NRXN3: variants seen among roughly 807,000 people sequenced by gnomAD.
The protein encoded by NRXN3 is neurexin 3.
NRXN3 carries 32 observed loss-of-function variants against 137.6 expected under a neutral mutation model. That is an observed-to-expected ratio of 0.23 (90% CI 0.18 to 0.31). The LOEUF (loss-of-function observed/expected upper bound fraction) is 0.31, where lower values mean the gene tolerates loss of function less well. Among genes scored for constraint, NRXN3 ranks in the 10% least tolerant of loss-of-function variants. The pLI is 1.00. For synonymous variants in NRXN3, 798 were observed against 784.5 expected, an observed-to-expected ratio of 1.02 and a Z score of -0.29; for missense variants, 1,574 against 2,062.5, an observed-to-expected ratio of 0.76 and a Z score of 4.59.
At position 79,492,579 on chromosome 14, in the gene NRXN3, C is replaced by T. The variant is rs370653201; in HGVS notation, c.3444+25177C>T. Among the ~76,000 whole-genome samples, 291 of 152,172 alleles carry T rather than the reference C, an allele frequency of 1.9e-3. 10 individuals are homozygous for T. The South Asian group carries it at 0.056, about 30-fold the overall frequency. ...TGTACCTTTAGTAAAGATGGGTTTT[C>T]GCCGTGTTGGCCAGGATGGTCTCGA... On this transcript the variant is annotated intron_variant, in intron 16 of 20. Transcript: ENST00000335750.
At chr14:79,185,610 C>T (rs1046912205) in intron 15 of NRXN3, among the ~76,000 whole-genome samples, 13 of 152,000 alleles carry the variant, frequency 8.6e-5, no homozygotes, top group African/African-American at 2.7e-4. Flanking sequence ...GGACTACAGG[C>T]GCCCGCCACC....
intron 8 of NRXN3, among the ~76,000 whole-genome samples, chr14:78,787,867 G>A (rs1463301858): frequency 2.6e-5 from 4 of 152,156 alleles, no homozygotes; most frequent in African/African-American, 9.7e-5. Flanking sequence ...GATTGTGAAA[G>A]TAGATCCATT....
At chr14:78,812,135 A>T (rs972908425) in intron 10 of NRXN3, among the ~76,000 whole-genome samples, 3 of 152,178 alleles carry the variant, frequency 2.0e-5, no homozygotes, top group African/African-American at 7.2e-5. Flanking sequence ...CACATTTTAG[A>T]ACATTTCCAT....
chr14:78,882,540 G>A (rs987121059), intron 10 of NRXN3, among the ~76,000 whole-genome samples: 8 of 151,878 alleles, frequency 5.3e-5, no homozygotes, highest in Middle Eastern at 3.4e-3. Context: ...TTTAATGACT[G>A]CCCTATTGGA....
chr14:78,512,961 AG>A (rs1408266833), intron 4 of NRXN3, among the ~76,000 whole-genome samples: 1 of 152,156 alleles, frequency 6.6e-6, no homozygotes, highest in Non-Finnish European at 1.5e-5. Context: ...CCAGGCTTAG[AG>A]AAGTAAGGGC....
chr14:78,387,731 A>G (rs2090178755), intron 4 of NRXN3, among the ~76,000 whole-genome samples: 1 of 152,210 alleles, frequency 6.6e-6, no homozygotes, highest in South Asian at 2.1e-4. Flanking sequence ...CTCTGATCCA[A>G]TAAGGACTTC....
chr14:79,663,019 G>T (rs1603384796), intron 16 of NRXN3, among the ~76,000 whole-genome samples: 1 of 152,036 alleles, frequency 6.6e-6, no homozygotes, highest in African/African-American at 2.4e-5. Context: ...TTTCCCTTCT[G>T]ACAAGTCTTT....
intron 15 of NRXN3, among the ~76,000 whole-genome samples, chr14:79,201,889 G>T (rs2066068951): frequency 6.6e-6 from 1 of 152,182 alleles, no homozygotes; most frequent in African/African-American, 2.4e-5. Flanking sequence ...TCATTAAACA[G>T]GTACTATTAC....
intron 6 of NRXN3, among the ~76,000 whole-genome samples, chr14:78,674,579 T>C (rs2152724825): frequency 6.6e-6 from 1 of 152,310 alleles, no homozygotes; most frequent in South Asian, 2.1e-4. Flanking sequence ...AGTGTTTATG[T>C]GGCTGGGGCA....
chr14:79,152,202 G>A (rs1231173213), intron 15 of NRXN3, among the ~76,000 whole-genome samples: 1 of 152,026 alleles, frequency 6.6e-6, no homozygotes, highest in Non-Finnish European at 1.5e-5. Flanking sequence ...TGGGAGGACA[G>A]CGATAGAATG....
chr14:78,858,485 G>A (rs2099063577), intron 10 of NRXN3, among the ~76,000 whole-genome samples: 1 of 152,118 alleles, frequency 6.6e-6, no homozygotes, highest in Non-Finnish European at 1.5e-5. Context: ...TAAAGATGAA[G>A]GTTGTCTAGG....
intron 3 of NRXN3, among the ~76,000 whole-genome samples, chr14:78,284,284 C>T (rs1237856628): frequency 6.6e-6 from 1 of 152,196 alleles, no homozygotes; most frequent in East Asian, 1.9e-4. Flanking sequence ...CTTCATCTCT[C>T]ACCTTTCTGT....
At chr14:78,343,768 C>T (rs748141095) in intron 4 of NRXN3, among the ~76,000 whole-genome samples, 9 of 152,302 alleles carry the variant, frequency 5.9e-5, no homozygotes, top group South Asian at 2.1e-4. Flanking sequence ...CCACCTTGGC[C>T]GCACATTGCA....
intron 19 of NRXN3, among the ~76,000 whole-genome samples, chr14:79,720,366 G>A (rs370787015): frequency 2.0e-5 from 3 of 151,990 alleles, no homozygotes; most frequent in East Asian, 1.9e-4. Flanking sequence ...AGATTTGGGC[G>A]GGGACACAAC....
chr14:79,150,462 C>T (rs1313884598), intron 15 of NRXN3, among the ~76,000 whole-genome samples: 2 of 151,888 alleles, frequency 1.3e-5, no homozygotes, highest in African/African-American at 2.4e-5. Flanking sequence ...TGACTAACAC[C>T]CTCAGCTAAT....
chr14:79,151,096 T>G (rs1450055480), intron 15 of NRXN3, among the ~76,000 whole-genome samples: 4 of 152,014 alleles, frequency 2.6e-5, no homozygotes, highest in Admixed American at 2.6e-4. Flanking sequence ...AGACATGCAT[T>G]TATTAAAAAT....
At chr14:79,334,721 A>G (rs2092106737) in intron 15 of NRXN3, among the ~76,000 whole-genome samples, 1 of 152,170 alleles carries the variant, frequency 6.6e-6, no homozygotes, top group Admixed American at 6.5e-5. Context: ...GGCAAAAGAT[A>G]TATTAGTGTG....
chr14:79,514,850 T>TTCTTTTTCTTCTTATTTTGA (rs1567349837), intron 16 of NRXN3, among the ~76,000 whole-genome samples: 3 of 151,122 alleles, frequency 2.0e-5, no homozygotes, highest in African/African-American at 7.4e-5. Context: ...ACTGCTTCTC[T>TTCTTTTTCTTCTTATTTTGA]TTAAAAAGTG....
intron 16 of NRXN3, among the ~76,000 whole-genome samples, chr14:79,608,966 C>T (rs1234841716): frequency 1.3e-5 from 2 of 152,192 alleles, no homozygotes; most frequent in Non-Finnish European, 2.9e-5. Context: ...GGATCTTCCT[C>T]TCCTCTAGAT....
Sources: gnomAD v4.1 joint callset for allele counts (sites outside exome capture counted in the v4.1 genomes callset) on GRCh38, gnomAD v4.1.1 for gene constraint, MANE v1.5 for transcripts, NCBI Gene and HGNC (gene_info 2026-07-23, HGNC 2026-07-21) for gene names.